The following ADD3 variants were observed in gnomAD, a reference collection of about 807,000 sequenced individuals.
ADD3 encodes adducin 3.
A neutral mutation model predicts 80.2 loss-of-function variants in ADD3; 25 were observed. That is an observed-to-expected ratio of 0.31 (90% CI 0.23 to 0.44). The LOEUF is 0.44. ADD3 is among the 20% of genes least tolerant of loss of function. The pLI is 1.00. For missense variants in ADD3, 829 were observed against 847.5 expected, an observed-to-expected ratio of 0.98 and a Z score of 0.27; for synonymous variants, 284 against 289.6, an observed-to-expected ratio of 0.98 and a Z score of 0.20.
At chr10:110,079,801 A>G (rs1296849004) in intron 1 of ADD3, among the ~76,000 whole-genome samples, 1 of 152,142 alleles carries the variant, frequency 6.6e-6, no homozygotes, top group Non-Finnish European at 1.5e-5. Flanking sequence ...TCAGCCTCCC[A>G]AAGTGCTGGG....
chr10:110,119,504 A>G lies in ADD3; in HGVS notation c.900A>G (p.Gly300=), dbSNP rs1216701391. 1 of 1,614,170 alleles carries G rather than the reference A, an allele frequency of 6.2e-7. No individual in the cohort carries two copies. The highest frequency in any genetic ancestry group is 1.7e-5 in the Admixed American group (1 of 60,026). The part of the protein sequence containing the change: ...VLRNHGVVAL[G]ETLEEAFHYI... ...GGAATCATGGTGTGGTTGCACTTGGAGAAACATTAGAGGAGGCTTTTCATT... is the reference window on the plus strand; with the variant it reads ...GGAATCATGGTGTGGTTGCACTTGGGGAAACATTAGAGGAGGCTTTTCATT... Residue 300 remains glycine (G), a synonymous_variant, in exon 8 of 15, where the codon GGA becomes GGG. Coordinates refer to ENST00000356080, the MANE Select transcript of ADD3 (RefSeq NM_016824.5).
chr10:110,004,103 C>T (rs1001870727), upstream of ADD3, among the ~76,000 whole-genome samples: 1 of 151,966 alleles, frequency 6.6e-6, no homozygotes, highest in Non-Finnish European at 1.5e-5. Context: ...CAAATAATCA[C>T]CATTTTATTC....
intron 1 of ADD3, among the ~76,000 whole-genome samples, chr10:110,098,250 A>G (rs1329661903): frequency 2.0e-5 from 3 of 152,190 alleles, no homozygotes; most frequent in Non-Finnish European, 4.4e-5. Context: ...ATTCTTATCT[A>G]TGAATAATAA....
Position 110,122,107 on chromosome 10 carries a change from C to A in ADD3, c.961-3C>A, listed in dbSNP as rs778780679. The A allele has an allele frequency of 6.2e-7, 1 of 1,603,672 alleles. No individual in the cohort carries two copies. Among genetic ancestry groups the A allele is most frequent in the Non-Finnish European group, 8.5e-7 (1 of 1,174,890 alleles). The stretch of plus-strand genomic sequence containing the variant: ...TCTCTGTATATTTTACCATTGATTA[C>A]AGGTGCAGGCCCTAGCAGGTGCAGG... On this transcript the variant is annotated splice_polypyrimidine_tract_variant and splice_region_variant and intron_variant, in intron 8 of 14. Transcript: ENST00000356080.
At chr10:110,115,011 C>T (rs913130561) in intron 3 of ADD3, among the ~76,000 whole-genome samples, 1 of 147,184 alleles carries the variant, frequency 6.8e-6, no homozygotes, top group African/African-American at 2.5e-5. Context: ...CCTAGGAGTT[C>T]GAGGCTGCAG....
intron 1 of ADD3, among the ~76,000 whole-genome samples, chr10:110,091,484 A>G (rs7908277): frequency 0.14 from 21,831 of 152,174 alleles, 4,946 homozygotes; most frequent in African/African-American, 0.48. Context: ...AGCCACACAC[A>G]TACAACCATC....
intron 1 of ADD3, among the ~76,000 whole-genome samples, chr10:110,089,592 G>C (rs1178570643): frequency 6.6e-6 from 1 of 151,996 alleles, no homozygotes; most frequent in African/African-American, 2.4e-5. Context: ...GAGAGTAAAG[G>C]CTCACCAAGG....
At chr10:110,122,425 A>G in intron 9 of ADD3, 133 bp downstream of exon 9, 1 of 717,270 alleles carries the variant, frequency 1.4e-6, no homozygotes, top group Non-Finnish European at 2.3e-6. Context: ...TTTCATTGTT[A>G]TTTAACCACA....
At chr10:110,129,376 G>A (rs1267045178) in intron 12 of ADD3, among the ~76,000 whole-genome samples, 3 of 151,884 alleles carry the variant, frequency 2.0e-5, no homozygotes, top group Non-Finnish European at 4.4e-5. Flanking sequence ...CTCGAACTCT[G>A]GACCTCAGGT....
At chr10:110,073,153 T>TC (rs1282233720) in intron 1 of ADD3, among the ~76,000 whole-genome samples, 3 of 145,656 alleles carry the variant, frequency 2.1e-5, no homozygotes, top group Non-Finnish European at 4.5e-5. Flanking sequence ...TTTTTTTTTT[T>TC]TTTTTTCGAG....
chr10:110,094,763 T>G (rs1590092647), intron 1 of ADD3, among the ~76,000 whole-genome samples: 1 of 152,216 alleles, frequency 6.6e-6, no homozygotes, highest in African/African-American at 2.4e-5. Context: ...CTAAGTTGTT[T>G]TCTAGAACTT....
intron 1 of ADD3, among the ~76,000 whole-genome samples, chr10:110,057,698 C>T (rs1713548957): frequency 6.6e-6 from 1 of 152,154 alleles, no homozygotes; most frequent in Non-Finnish European, 1.5e-5. Flanking sequence ...TCCAGGAAGG[C>T]AGGAAGCTTG....
At chr10:110,025,030 G>C (rs1169534832) in intron 1 of ADD3, among the ~76,000 whole-genome samples, 1 of 151,654 alleles carries the variant, frequency 6.6e-6, no homozygotes, top group African/African-American at 2.4e-5. Context: ...AATAGCTGGA[G>C]TTACAGGCGT....
chr10:110,033,488 A>G (rs549834819), intron 1 of ADD3, among the ~76,000 whole-genome samples: 1 of 152,322 alleles, frequency 6.6e-6, no homozygotes, highest in African/African-American at 2.4e-5. Flanking sequence ...TGTAAAATGC[A>G]GGGTACAGGG....
intron 14 of ADD3, among the ~76,000 whole-genome samples, chr10:110,133,023 C>G (rs1373636666): frequency 6.6e-6 from 1 of 150,542 alleles, no homozygotes; most frequent in Non-Finnish European, 1.5e-5. Context: ...GATCCCAAAA[C>G]TAGAGAAAAA....
chr10:110,126,191 A>T (rs911599188), intron 11 of ADD3, among the ~76,000 whole-genome samples: 8 of 152,238 alleles, frequency 5.3e-5, no homozygotes, highest in Non-Finnish European at 1.2e-4. Context: ...TTAGGGGGAA[A>T]ATGCAGTTCT....
chr10:110,046,860 A>C (rs1190426790), intron 1 of ADD3, among the ~76,000 whole-genome samples: 1 of 152,204 alleles, frequency 6.6e-6, no homozygotes, highest in Non-Finnish European at 1.5e-5. Flanking sequence ...ATTGAAAAAG[A>C]ATAACACCTT....
intron 1 of ADD3, among the ~76,000 whole-genome samples, chr10:110,069,636 A>G (rs1412678266): frequency 1.3e-5 from 2 of 152,028 alleles, no homozygotes; most frequent in Non-Finnish European, 2.9e-5. Context: ...GGTGTAGTAT[A>G]ATGTAGTGCC....
intron 1 of ADD3, among the ~76,000 whole-genome samples, chr10:110,085,357 A>T (rs142857280): frequency 6.6e-6 from 1 of 152,310 alleles, no homozygotes; most frequent in Admixed American, 6.5e-5. Flanking sequence ...TTTGTTGAAG[A>T]TTTAATTTGG....
Sources: allele counts gnomAD v4.1 joint callset (sites outside exome capture counted in the v4.1 genomes callset), GRCh38; gene constraint gnomAD v4.1.1; transcripts MANE v1.5; gene names NCBI Gene and HGNC (gene_info 2026-07-23, HGNC 2026-07-21).